PACS1: variants seen among roughly 807,000 people sequenced by gnomAD.
PACS1 encodes the protein phosphofurin acidic cluster sorting protein 1.
A neutral mutation model predicts 115.0 loss-of-function variants in PACS1; 24 were observed. The ratio of observed to expected loss-of-function variants is 0.21; its 90% CI spans 0.15 to 0.29. The LOEUF is 0.29. Ranked by LOEUF, PACS1 falls within the 10% of genes least tolerant of loss-of-function variation. The probability of loss-of-function intolerance (pLI) is 1.00; values close to 1 mark genes in which losing one functional copy is unlikely to be tolerated. For missense variants in PACS1, 838 were observed against 1,251.2 expected, an observed-to-expected ratio of 0.67 and a Z score of 4.98; for synonymous variants, 453 against 504.5, an observed-to-expected ratio of 0.90 and a Z score of 1.37.
chr11:66,070,878 G>C lies in PACS1; in HGVS notation c.356+36G>C. The C allele has an allele frequency of 7.1e-7, 1 of 1,408,438 alleles. No individual in the cohort carries two copies. Among genetic ancestry groups the C allele is most frequent in the Non-Finnish European group, 9.2e-7 (1 of 1,091,520 alleles). 87.2% of individuals were successfully genotyped at this position (1,408,438 alleles called of 1,614,324 possible). ...GAGGGTGCGGCGGGGCGCCGGGGGA[G>C]CGGGGTGGCCGCCGGGGCCCAGCCC... is the stretch of plus-strand genomic sequence containing the variant. On this transcript the variant is annotated intron_variant, in intron 1 of 23. Transcript: ENST00000320580. This position sits in a 1 kb window ranked among gnomAD's most constrained non-coding sequence, Gnocchi z 5.9.
At chr11:66,237,998 CTT>C in intron 19 of PACS1, 1 of 943,470 alleles carries the variant, frequency 1.1e-6, no homozygotes, top group Non-Finnish European at 1.3e-6. Context: ...CCAGCTGCCT[CTT>C]TGCCTAGGCC....
chr11:66,198,580 C>A (rs554715779), intron 2 of PACS1, among the ~76,000 whole-genome samples: 1 of 151,134 alleles, frequency 6.6e-6, no homozygotes, highest in East Asian at 1.9e-4. Flanking sequence ...ATTGTAGTTG[C>A]CAGGGGTTAG....
In PACS1 at chr11:66,232,253, A is replaced by C; in HGVS notation, c.1708A>C (p.Asn570His). The part of the protein sequence containing the change: ...AALPENVILV[N>H]TTDWQGQYVA... ...CCTCCCAGAAAATGTCATTCTGGTGAACACCACTGACTGGCAGGGCCAGGT... is the reference window on the plus strand; with the variant it reads ...CCTCCCAGAAAATGTCATTCTGGTGCACACCACTGACTGGCAGGGCCAGGT... The change falls in exon 14 of 24, where the codon AAC (asparagine) becomes CAC (histidine). Residue 570 changes from asparagine (N) to histidine (H), a missense_variant. This residue lies in a region of PACS1 where 383 missense variants were observed against 537.0 expected (regional missense o/e 0.71). Coordinates refer to ENST00000320580, the MANE Select transcript of PACS1 (RefSeq NM_018026.4). The C allele has an allele frequency of 6.2e-7, 1 of 1,610,866 alleles. No individual in the cohort carries two copies. Among genetic ancestry groups the C allele is most frequent in the Admixed American group, 1.7e-5 (1 of 60,020 alleles).
intron 19 of PACS1, among the ~76,000 whole-genome samples, chr11:66,237,550 C>A (rs1195691273): frequency 6.6e-6 from 1 of 152,182 alleles, no homozygotes; most frequent in Non-Finnish European, 1.5e-5. Context: ...TCGTGCCTTG[C>A]AGAGCCTCCT....
intron 1 of PACS1, among the ~76,000 whole-genome samples, chr11:66,172,185 T>A (rs1859755723): frequency 6.6e-6 from 1 of 152,226 alleles, no homozygotes; most frequent in Non-Finnish European, 1.5e-5. Context: ...CTATCCTTGA[T>A]CTTCTTTCTG....
chr11:66,171,084 T>C (rs1256127028), intron 1 of PACS1, among the ~76,000 whole-genome samples: 5 of 150,460 alleles, frequency 3.3e-5, no homozygotes. Context: ...TTCTGTTTAA[T>C]TATCAATTAC....
intron 1 of PACS1, among the ~76,000 whole-genome samples, chr11:66,152,567 A>G (rs531304967): frequency 1.3e-5 from 2 of 152,372 alleles, no homozygotes; most frequent in South Asian, 4.1e-4. Flanking sequence ...TAGGCATATC[A>G]TAGTCAAATT....
intron 23 of PACS1, 51 bp from the exon 24 acceptor site, chr11:66,243,114 G>A (rs1322464576): frequency 6.2e-7 from 1 of 1,608,942 alleles, no homozygotes; most frequent in South Asian, 1.1e-5. Flanking sequence ...AAGGGGCCCT[G>A]GGGAGATGGC....
intron 1 of PACS1, among the ~76,000 whole-genome samples, chr11:66,149,149 T>A (rs1859184301): frequency 6.9e-6 from 1 of 144,578 alleles, no homozygotes; most frequent in African/African-American, 2.6e-5. Context: ...TTCTGGAGTG[T>A]AATGGTGTGA....
intron 1 of PACS1, among the ~76,000 whole-genome samples, chr11:66,161,472 C>G (rs1293239442): frequency 6.6e-6 from 1 of 151,784 alleles, no homozygotes; most frequent in Non-Finnish European, 1.5e-5. Context: ...AATAAAAACA[C>G]CAAATAAATA....
rs1261425421 is a variant in PACS1, at chr11:66,233,262, G to C, written c.1838+196G>C. ...GGCAGACCCCAGAGGATCGGGGGTG[G>C]AAATATCAATTCCTGTGCTCCCTGC... On this transcript the variant is annotated intron_variant, in intron 15 of 23. Transcript: ENST00000320580. The surrounding 1 kb of genome is among the most constrained non-coding windows in gnomAD (Gnocchi z 4.5). 6.6e-6 allele frequency among the ~76,000 whole-genome samples: 1 copy of C among 152,154 alleles called. No homozygotes were observed. The highest frequency in any genetic ancestry group is 1.5e-5 in the Non-Finnish European group (1 of 68,020).
At chr11:66,166,462 C>CTA (rs1859606300) in intron 1 of PACS1, among the ~76,000 whole-genome samples, 1 of 142,036 alleles carries the variant, frequency 7.0e-6, no homozygotes, top group African/African-American at 3.1e-5. Context: ...TCACATCTTA[C>CTA]AGCTGTCGTC....
intron 1 of PACS1, among the ~76,000 whole-genome samples, chr11:66,138,227 G>A (rs1270849911): frequency 6.6e-6 from 1 of 151,882 alleles, no homozygotes; most frequent in Non-Finnish European, 1.5e-5. Flanking sequence ...TAGTAGATAG[G>A]ACTGTAGACT....
chr11:66,082,192 T>TG (rs1408423284), intron 1 of PACS1, among the ~76,000 whole-genome samples: 3 of 152,126 alleles, frequency 2.0e-5, no homozygotes, highest in African/African-American at 4.8e-5. Flanking sequence ...GACTGGTACA[T>TG]GGGGCACAAC....
At chr11:66,074,686 G>A (rs1342468975) in intron 1 of PACS1, among the ~76,000 whole-genome samples, 2 of 152,098 alleles carry the variant, frequency 1.3e-5, no homozygotes, top group African/African-American at 4.8e-5. Context: ...TTCTCCTTAG[G>A]TCACATTTTT....
chr11:66,216,672 A>G, intron 6 of PACS1, 23 bp from the exon 7 acceptor site: 1 of 1,612,688 alleles, frequency 6.2e-7, no homozygotes, highest in African/African-American at 1.3e-5. Context: ...TCCCACCCTC[A>G]TTCTGTCCCT....
chr11:66,165,782 T>C (rs920579196), intron 1 of PACS1, among the ~76,000 whole-genome samples: 2 of 152,206 alleles, frequency 1.3e-5, no homozygotes, highest in African/African-American at 4.8e-5. Context: ...TCTCACTATG[T>C]TGCCCAGGCT....
rs546584038 is a variant in PACS1, at chr11:66,223,118, G to A, written c.1293+1871G>A. Among the ~76,000 whole-genome samples, 622 of 151,152 alleles carry A rather than the reference G, an allele frequency of 4.1e-3. 5 individuals are homozygous for A. Among genetic ancestry groups the A allele is most frequent in the Non-Finnish European group, 6.9e-3 (470 of 67,882 alleles). On this transcript the variant is annotated intron_variant, in intron 10 of 23. Transcript: ENST00000320580. Reference sequence around the variant, plus strand: ...ATTTTTTATTTTTATTGGAGTCGGAGTTTTGCTCTTATCGCCCAGGCAGGA... The same window carrying A: ...ATTTTTTATTTTTATTGGAGTCGGAATTTTGCTCTTATCGCCCAGGCAGGA...
intron 19 of PACS1, chr11:66,237,965 G>T (rs2134746921): frequency 1.4e-6 from 1 of 696,292 alleles, no homozygotes; most frequent in Non-Finnish European, 1.8e-6. Context: ...CCCCATCAGG[G>T]TCCAGCCCTC....
Sources: allele counts gnomAD v4.1 joint callset (sites outside exome capture counted in the v4.1 genomes callset), GRCh38; gene constraint gnomAD v4.1.1; regional missense constraint gnomAD v4.1.1; non-coding constraint Gnocchi (gnomAD v3.1); transcripts MANE v1.5; gene names NCBI Gene and HGNC (gene_info 2026-07-23, HGNC 2026-07-21).